CMTM8: variants seen among roughly 807,000 people sequenced by gnomAD.
The protein encoded by CMTM8 is CKLF-like MARVEL transmembrane domain-containing protein 8.
Under a neutral mutation model 18.6 loss-of-function variants are expected in CMTM8, and 12 were observed. The ratio of observed to expected loss-of-function variants is 0.65; its 90% CI spans 0.41 to 1.05. The LOEUF (loss-of-function observed/expected upper bound fraction) is 1.05. CMTM8 is among the 50% of genes least tolerant of loss of function. The probability of loss-of-function intolerance (pLI) is 0.00; values close to 1 mark genes in which losing one functional copy is unlikely to be tolerated. For synonymous variants in CMTM8, 87 were observed against 90.6 expected, an observed-to-expected ratio of 0.96 and a Z score of 0.23; for missense variants, 217 against 227.2, an observed-to-expected ratio of 0.95 and a Z score of 0.29.
intron 1 of CMTM8, among the ~76,000 whole-genome samples, chr3:32,325,474 C>T (rs1696131976): frequency 6.6e-6 from 1 of 152,248 alleles, no homozygotes; most frequent in East Asian, 1.9e-4. Context: ...GGAACAGAAA[C>T]GTCACAGTAG....
chr3:32,364,719 C>T (rs913277839), intron 2 of CMTM8, among the ~76,000 whole-genome samples: 14 of 152,158 alleles, frequency 9.2e-5, no homozygotes, highest in South Asian at 6.2e-4. Flanking sequence ...CTCTTGAGGA[C>T]TCTTGAGGAT....
rs58887554 is a variant in CMTM8, at chr3:32,250,978, A to T, written c.147+11859A>T. ...GTTCTAATAATTATTTTGTGGTTCG[A>T]CATATGTTTTTAAGGCTTTTGGTGT... On this transcript the variant is annotated intron_variant, in intron 1 of 3. Transcript: ENST00000307526. 2.7e-3 allele frequency among the ~76,000 whole-genome samples: 416 copies of T among 152,268 alleles called. 3 individuals are homozygous for T. The highest frequency in any genetic ancestry group is 9.5e-3 in the African/African-American group (394 of 41,558).
intron 1 of CMTM8, among the ~76,000 whole-genome samples, chr3:32,321,810 G>C (rs796827715): frequency 6.6e-6 from 1 of 152,082 alleles, no homozygotes. Flanking sequence ...TGTTGCCCAG[G>C]TTTGTCTTAA....
chr3:32,347,373 T>TGGAC (rs1201869624), intron 1 of CMTM8, among the ~76,000 whole-genome samples: 1 of 150,770 alleles, frequency 6.6e-6, no homozygotes, highest in Non-Finnish European at 1.5e-5. Context: ...GCTGGCTGGC[T>TGGAC]GGACCAGCAC....
intron 1 of CMTM8, among the ~76,000 whole-genome samples, chr3:32,334,747 A>G (rs545832368): frequency 6.6e-6 from 1 of 152,302 alleles, no homozygotes; most frequent in South Asian, 2.1e-4. Flanking sequence ...TGTGACAATC[A>G]ATTTTAATTT....
At chr3:32,259,215 C>T (rs1374537478) in intron 1 of CMTM8, 8 of 540,538 alleles carry the variant, frequency 1.5e-5, no homozygotes, top group Admixed American at 4.8e-5. Flanking sequence ...ACAGCCTGAA[C>T]GACTGCCTGG....
intron 1 of CMTM8, chr3:32,259,440 A>G (rs1575148728): frequency 1.2e-6 from 1 of 805,776 alleles, no homozygotes; most frequent in Non-Finnish European, 2.2e-6. Flanking sequence ...AGAGTCAAGT[A>G]TGAGACAGAA....
chr3:32,332,215 T>C (rs1322051023), intron 1 of CMTM8, among the ~76,000 whole-genome samples: 1 of 152,228 alleles, frequency 6.6e-6, no homozygotes, highest in Non-Finnish European at 1.5e-5. Flanking sequence ...GGGGCTGGGT[T>C]AGCTGCAGCC....
intron 1 of CMTM8, among the ~76,000 whole-genome samples, chr3:32,345,043 A>T (rs924514386): frequency 1.3e-5 from 2 of 152,196 alleles, no homozygotes; most frequent in African/African-American, 2.4e-5. Flanking sequence ...ATTTTCAATT[A>T]AAAAAATTTC....
chr3:32,280,115 G>A (rs1171229663), intron 1 of CMTM8, among the ~76,000 whole-genome samples: 1 of 152,102 alleles, frequency 6.6e-6, no homozygotes, highest in Non-Finnish European at 1.5e-5. Context: ...CCAATCAGGA[G>A]GAAGTCCCTG....
intron 1 of CMTM8, among the ~76,000 whole-genome samples, chr3:32,302,244 G>T (rs1363332336): frequency 6.6e-6 from 1 of 152,196 alleles, no homozygotes; most frequent in Non-Finnish European, 1.5e-5. Flanking sequence ...GATGCCGTGA[G>T]CTATGATTGC....
intron 2 of CMTM8, among the ~76,000 whole-genome samples, chr3:32,367,440 T>C (rs1022686926): frequency 1.3e-5 from 2 of 152,062 alleles, no homozygotes; most frequent in African/African-American, 4.8e-5. Context: ...TGGGCCTGTT[T>C]TGGGGGACAC....
chr3:32,261,169 CA>C (rs57748918), intron 1 of CMTM8, among the ~76,000 whole-genome samples: 62,879 of 128,242 alleles, frequency 0.49, 13,632 homozygotes, highest in Middle Eastern at 0.59. Context: ...GTGTCCATCT[CA>C]AAAAAAAAAA....
chr3:32,366,387 T>C (rs1044813907), intron 2 of CMTM8, among the ~76,000 whole-genome samples: 2 of 152,254 alleles, frequency 1.3e-5, no homozygotes, highest in Non-Finnish European at 2.9e-5. Context: ...ATCTCCTCTC[T>C]GGCCCCCTCG....
At chr3:32,249,590 C>T (rs915709056) in intron 1 of CMTM8, among the ~76,000 whole-genome samples, 10 of 152,072 alleles carry the variant, frequency 6.6e-5, no homozygotes, top group African/African-American at 2.4e-4. Context: ...AATGTGAGAT[C>T]GTATCTCATT....
rs1385189379 is a variant in CMTM8 at position 32,370,040 on chromosome 3, A to G, written c.*73A>G. On this transcript the variant is annotated 3_prime_UTR_variant, in exon 4 of 4. Coordinates refer to ENST00000307526, the MANE Select transcript of CMTM8 (RefSeq NM_178868.5). Reference sequence around the variant, plus strand: ...GTAAAAACAGCTGTAGGTATAATGTATATTCCCAGAGAATTGTATTTAACT... The same window carrying G: ...GTAAAAACAGCTGTAGGTATAATGTGTATTCCCAGAGAATTGTATTTAACT... 4 of 772,524 alleles carry G rather than the reference A, an allele frequency of 5.2e-6. No individual in the cohort carries two copies. Among genetic ancestry groups the G allele is most frequent in the Admixed American group, 2.4e-5 (1 of 42,470 alleles). 47.9% of individuals were successfully genotyped at this position (772,524 alleles called of 1,614,324 possible).
At chr3:32,351,711 C>CAAAAA (rs144533624) in intron 1 of CMTM8, among the ~76,000 whole-genome samples, 6,315 of 134,222 alleles carry the variant, frequency 0.047, 170 homozygotes, top group Middle Eastern at 0.11. Context: ...GACCCTGTCT[C>CAAAAA]AAAAAAAAAA....
intron 1 of CMTM8, among the ~76,000 whole-genome samples, chr3:32,305,767 T>C (rs1158665974): frequency 6.6e-6 from 1 of 152,212 alleles, no homozygotes; most frequent in Non-Finnish European, 1.5e-5. Flanking sequence ...GTTTCCTCAT[T>C]TGTGCCTCCT....
At position 32,246,449 on chromosome 3, in the gene CMTM8, T is replaced by G. The variant is rs1702016946; in HGVS notation, c.147+7330T>G. On this transcript the variant is annotated intron_variant, in intron 1 of 3. Coordinates refer to ENST00000307526, the MANE Select transcript of CMTM8 (RefSeq NM_178868.5). Reference sequence around the variant, plus strand: ...TTTTTTCCCTGAGTTTGATAACTATTCGCTCACCCCTGCTTCTGATTGCCA... The same window carrying G: ...TTTTTTCCCTGAGTTTGATAACTATGCGCTCACCCCTGCTTCTGATTGCCA... Among the ~76,000 whole-genome samples, 3 of 152,176 alleles carry G rather than the reference T, an allele frequency of 2.0e-5. No homozygotes were observed. The South Asian group carries it at 6.2e-4, about 32-fold the overall frequency.
Sources: gnomAD v4.1 joint callset for allele counts (sites outside exome capture counted in the v4.1 genomes callset) on GRCh38, gnomAD v4.1.1 for gene constraint, MANE v1.5 for transcripts, NCBI Gene and HGNC (gene_info 2026-07-23, HGNC 2026-07-21) for gene names.